SEMA5A: variants seen among roughly 807,000 people sequenced by gnomAD.
SEMA5A encodes semaphorin 5A, also known as semaphorin-5A.
SEMA5A carries 55 observed loss-of-function variants against 135.5 expected under a neutral mutation model. The observed-to-expected ratio is 0.41, with a 90% CI of 0.33 to 0.51. SEMA5A has a LOEUF of 0.51. SEMA5A is among the 20% of genes least tolerant of loss of function. SEMA5A has a pLI of 0.37. For synonymous variants in SEMA5A, 580 were observed against 546.5 expected (o/e 1.06, Z -0.85); for missense variants, 1,290 against 1,419.9 (o/e 0.91, Z 1.47).
intron 5 of SEMA5A, among the ~76,000 whole-genome samples, chr5:9,308,175 G>A (rs755605485): frequency 2.0e-5 from 3 of 152,030 alleles, no homozygotes; most frequent in East Asian, 1.9e-4. Flanking sequence ...GGGTGCTATC[G>A]GCACCCCATC....
At chr5:9,131,629 A>ACTGTC (rs2150206901) in intron 13 of SEMA5A, among the ~76,000 whole-genome samples, 1 of 43,470 alleles carries the variant, frequency 2.3e-5, no homozygotes, top group Non-Finnish European at 6.1e-5. Flanking sequence ...AAAAAAAAAA[A>ACTGTC]AAAAAAAAAA....
In SEMA5A at chr5:9,035,043, G is replaced by A. The variant is rs1335663787; in HGVS notation, c.*7854C>T. The A allele has an allele frequency of 1.3e-5, 2 of 152,492 alleles. No individual in the cohort carries two copies. Among genetic ancestry groups the A allele is most frequent in the African/African-American group, 4.8e-5 (2 of 41,416 alleles). 9.4% of individuals were successfully genotyped at this position (152,492 alleles called of 1,614,324 possible). ...AATGCCACTAAATTGTCCCCTAAAT[G>A]GTAGGATTTATTTCAATGCTCACAT... On this transcript the variant is annotated 3_prime_UTR_variant, in exon 23 of 23. Transcript: ENST00000382496.
chr5:9,458,381 T>G (rs180676232), intron 1 of SEMA5A, among the ~76,000 whole-genome samples: 142 of 152,308 alleles, frequency 9.3e-4, no homozygotes, highest in African/African-American at 3.2e-3. Flanking sequence ...TTTCGCTCTT[T>G]CTCAAGCTTT....
chr5:9,539,387 A>G (rs1388641679), intron 1 of SEMA5A, among the ~76,000 whole-genome samples: 4 of 152,204 alleles, frequency 2.6e-5, no homozygotes, highest in Non-Finnish European at 5.9e-5. Flanking sequence ...TATAAATCCA[A>G]CTACATGACT....
intron 11 of SEMA5A, among the ~76,000 whole-genome samples, chr5:9,174,443 C>A (rs900325360): frequency 6.6e-6 from 1 of 152,170 alleles, no homozygotes; most frequent in African/African-American, 2.4e-5. Context: ...TGGTGAGGTA[C>A]CTTTTCTTCC....
chr5:9,541,710 G>A (rs544659228), intron 1 of SEMA5A, among the ~76,000 whole-genome samples: 1 of 152,290 alleles, frequency 6.6e-6, no homozygotes, highest in South Asian at 2.1e-4. Flanking sequence ...GAAGAAAGAA[G>A]ATGACAACAG....
At chr5:9,375,388 G>C (rs532986109) in intron 3 of SEMA5A, among the ~76,000 whole-genome samples, 97 of 152,106 alleles carry the variant, frequency 6.4e-4, no homozygotes, top group Non-Finnish European at 1.2e-3. Context: ...GACACAGAGG[G>C]AGGATACCAT....
intron 11 of SEMA5A, among the ~76,000 whole-genome samples, chr5:9,177,560 T>C (rs1744272317): frequency 6.6e-6 from 1 of 152,212 alleles, no homozygotes; most frequent in Admixed American, 6.5e-5. Context: ...TTGGCCTTCG[T>C]TGAAGATTGA....
rs1288842156 is a variant in SEMA5A at position 9,331,320 on chromosome 5, TAA to T, written c.224+6391_224+6392del. 3.3e-5 allele frequency among the ~76,000 whole-genome samples: 5 copies of T among 152,322 alleles called. No individual in the cohort carries two copies. The East Asian group carries it at 9.6e-4, about 29-fold the overall frequency. On this transcript the variant is annotated intron_variant, in intron 4 of 22. Transcript: ENST00000382496. ...TCCCCCTTGTTTAGAACCAGTGTGA[TAA>T]AGTCATTTTGTAAAGAAGAAACTCA...
Position 9,284,829 on chromosome 5 carries a change from T to C in SEMA5A, c.270+33543A>G, listed in dbSNP as rs116322539. ...TAATAAATAGCTCTCCTTGTGATAATGTAGCACACATTGCTTCAATTATAG... is the reference window on the plus strand; with the variant it reads ...TAATAAATAGCTCTCCTTGTGATAACGTAGCACACATTGCTTCAATTATAG... On this transcript the variant is annotated intron_variant, in intron 5 of 22. Coordinates refer to ENST00000382496, the MANE Select transcript of SEMA5A (RefSeq NM_003966.3). 2.4e-3 allele frequency among the ~76,000 whole-genome samples: 358 copies of C among 152,338 alleles called. 2 individuals carry two copies. Among genetic ancestry groups the C allele is most frequent in the African/African-American group, 7.8e-3 (324 of 41,578 alleles).
chr5:9,449,824 C>T (rs879464974), intron 1 of SEMA5A, among the ~76,000 whole-genome samples: 3 of 152,118 alleles, frequency 2.0e-5, no homozygotes, highest in Non-Finnish European at 4.4e-5. Context: ...CATGCAGGAA[C>T]CCCTTTCTTA....
intron 8 of SEMA5A, among the ~76,000 whole-genome samples, chr5:9,212,817 C>G (rs1249984706): frequency 1.3e-5 from 2 of 152,172 alleles, no homozygotes; most frequent in African/African-American, 4.8e-5. Flanking sequence ...CCACAGAGCC[C>G]CTGCCCTTAA....
intron 2 of SEMA5A, among the ~76,000 whole-genome samples, chr5:9,426,432 TAAATA>T (rs149891161): frequency 0.014 from 1,744 of 121,034 alleles, 46 homozygotes; most frequent in African/African-American, 0.049. Flanking sequence ...CTCAAAAAAA[TAAATA>T]AAATAAAATA....
intron 16 of SEMA5A, among the ~76,000 whole-genome samples, chr5:9,074,818 C>T (rs1737957147): frequency 6.6e-6 from 1 of 152,088 alleles, no homozygotes; most frequent in Non-Finnish European, 1.5e-5. Context: ...AAAACAAAAG[C>T]CCCCAAACCC....
intron 3 of SEMA5A, among the ~76,000 whole-genome samples, chr5:9,362,284 A>C (rs1010313380): frequency 6.6e-6 from 1 of 152,164 alleles, no homozygotes; most frequent in African/African-American, 2.4e-5. Context: ...TGAGGATTCC[A>C]GACTTGACCT....
intron 12 of SEMA5A, among the ~76,000 whole-genome samples, chr5:9,139,415 C>T (rs1356470077): frequency 1.3e-5 from 2 of 152,178 alleles, no homozygotes; most frequent in Admixed American, 6.5e-5. Context: ...TATTTTTTAA[C>T]TCACCCAAAG....
chr5:9,190,349 C>T lies in SEMA5A; in HGVS notation c.1191G>A (p.Glu397=). The T allele has an allele frequency of 6.2e-7, 1 of 1,614,102 alleles. No individual in the cohort carries two copies. Among genetic ancestry groups the T allele is most frequent in the Non-Finnish European group, 8.5e-7 (1 of 1,180,020 alleles). Residue 397 remains glutamate (E), a synonymous_variant, in exon 11 of 23, where the codon GAG becomes GAA. Coordinates refer to ENST00000382496, the MANE Select transcript of SEMA5A (RefSeq NM_003966.3). Reference sequence around the variant, plus strand: ...CCACGTGGGAAAAGCGGCTATTGTCCTCCATGAAGGAGGGCACTGTGGTCA... The same window carrying T: ...CCACGTGGGAAAAGCGGCTATTGTCTTCCATGAAGGAGGGCACTGTGGTCA... The part of the protein sequence containing the change: ...QPVTTVPSFM[E]DNSRFSHVAV...
chr5:9,412,467 G>A (rs1273398974), intron 2 of SEMA5A, among the ~76,000 whole-genome samples: 2 of 129,186 alleles, frequency 1.5e-5, no homozygotes, highest in Non-Finnish European at 3.2e-5. Context: ...CTGTTTTATT[G>A]TTATTCCTCT....
chr5:9,169,551 A>C (rs1338907514), intron 11 of SEMA5A, among the ~76,000 whole-genome samples: 1 of 152,212 alleles, frequency 6.6e-6, no homozygotes, highest in East Asian at 1.9e-4. Context: ...CACGTGATGC[A>C]AAGGACACAT....
Sources: gnomAD v4.1 joint callset for allele counts (sites outside exome capture counted in the v4.1 genomes callset) on GRCh38, gnomAD v4.1.1 for gene constraint, MANE v1.5 for transcripts, NCBI Gene and HGNC (gene_info 2026-07-23, HGNC 2026-07-21) for gene names.